The following CNTN4 variants were observed in gnomAD, a reference collection of about 807,000 sequenced individuals.
CNTN4 encodes the protein contactin 4, also known as contactin-4.
In CNTN4, 77 loss-of-function variants were observed where a neutral mutation model predicts 122.5. The ratio of observed to expected loss-of-function variants is 0.63; its 90% CI spans 0.52 to 0.76. CNTN4 has a LOEUF of 0.76. Among genes scored for constraint, CNTN4 ranks in the 30% least tolerant of loss-of-function variants. The pLI, the probability that CNTN4 is intolerant of heterozygous loss-of-function variation, is 0.00. For synonymous variants in CNTN4, 512 were observed against 447.0 expected (o/e 1.15, Z -1.83); for missense variants, 1,256 against 1,259.1 (o/e 1.00, Z 0.04).
intron 7 of CNTN4, among the ~76,000 whole-genome samples, chr3:2,858,321 T>C (rs576964414): frequency 5.3e-5 from 8 of 152,354 alleles, no homozygotes; most frequent in Admixed American, 5.2e-4. Context: ...TTTCCAGTGA[T>C]TGTGATGCTT....
In CNTN4 at chr3:3,038,768, G is replaced by A. The variant is rs7625369; in HGVS notation, c.2093-165G>A. Among the ~76,000 whole-genome samples, 21,074 of 150,630 alleles carry A rather than the reference G, an allele frequency of 0.14. 1,558 individuals are homozygous for A. The highest frequency in any genetic ancestry group is 0.17 in the Non-Finnish European group (11,463 of 67,524). On this transcript the variant is annotated intron_variant, in intron 18 of 24. Coordinates refer to ENST00000418658, the MANE Select transcript of CNTN4 (RefSeq NM_175607.3). ...TCTCCTTGGTACATTTCACTTCCTC[G>A]AGCGGTCGCCGTGGGCCCCTTGACA...
At chr3:2,724,355 C>G (rs904178077) in intron 4 of CNTN4, among the ~76,000 whole-genome samples, 1 of 152,184 alleles carries the variant, frequency 6.6e-6, no homozygotes, top group Non-Finnish European at 1.5e-5. Context: ...ACATTGTGTT[C>G]TCATTCCCAA....
At chr3:2,753,346 C>T (rs996742702) in intron 6 of CNTN4, among the ~76,000 whole-genome samples, 4 of 152,150 alleles carry the variant, frequency 2.6e-5, no homozygotes, top group Non-Finnish European at 2.9e-5. Flanking sequence ...ACTCCTAGAT[C>T]ATTGTTTAGC....
chr3:2,308,845 G>A (rs550749613), intron 2 of CNTN4, among the ~76,000 whole-genome samples: 9 of 152,022 alleles, frequency 5.9e-5, no homozygotes, highest in Admixed American at 4.6e-4. Context: ...TCTCTAAAAT[G>A]TAGGAAAAAT....
chr3:2,396,031 TTTG>T (rs1437783354), intron 3 of CNTN4, among the ~76,000 whole-genome samples: 8 of 151,558 alleles, frequency 5.3e-5, no homozygotes, highest in Non-Finnish European at 1.0e-4. Flanking sequence ...TATGGGGCTG[TTTG>T]TTGTTGTTAT....
At chr3:2,540,191 G>A (rs1451347914) in intron 3 of CNTN4, among the ~76,000 whole-genome samples, 1 of 151,962 alleles carries the variant, frequency 6.6e-6, no homozygotes, top group Non-Finnish European at 1.5e-5. Context: ...ACTAGCCATA[G>A]AATTTATTTG....
chr3:2,155,949 A>G (rs1284003453), intron 2 of CNTN4, among the ~76,000 whole-genome samples: 1 of 152,134 alleles, frequency 6.6e-6, no homozygotes, highest in Non-Finnish European at 1.5e-5. Flanking sequence ...CCATCAAAAT[A>G]TTTAACATAG....
rs574463115 is a variant in CNTN4 at position 2,962,163 on chromosome 3, C to T, written c.1359-26182C>T. 2.8e-4 allele frequency among the ~76,000 whole-genome samples: 42 copies of T among 152,348 alleles called. 1 individual carries two copies. Among genetic ancestry groups the T allele is most frequent in the African/African-American group, 9.4e-4 (39 of 41,580 alleles). Reference sequence around the variant, plus strand: ...GGAAAAACCTAACTTATCTGGATCTCTTCTGCCAAAGACACTCCCAGTAAT... The same window carrying T: ...GGAAAAACCTAACTTATCTGGATCTTTTCTGCCAAAGACACTCCCAGTAAT... On this transcript the variant is annotated intron_variant, in intron 13 of 24. Transcript: ENST00000418658.
intron 6 of CNTN4, among the ~76,000 whole-genome samples, chr3:2,810,575 A>G (rs1458255639): frequency 1.3e-5 from 2 of 152,146 alleles, no homozygotes; most frequent in Non-Finnish European, 2.9e-5. Context: ...TTTTTAAGTC[A>G]TTATCCTTCT....
chr3:2,368,061 G>T (rs1164207281), intron 3 of CNTN4, among the ~76,000 whole-genome samples: 4 of 134,720 alleles, frequency 3.0e-5, no homozygotes. Context: ...GAGGTGGAGT[G>T]TCGCTCTGTC....
At chr3:2,144,745 A>G (rs550055335) in intron 2 of CNTN4, among the ~76,000 whole-genome samples, 2 of 152,336 alleles carry the variant, frequency 1.3e-5, no homozygotes, top group South Asian at 4.1e-4. Flanking sequence ...CAAGTCATCA[A>G]TTAAGTTTAT....
intron 9 of CNTN4, among the ~76,000 whole-genome samples, chr3:2,883,928 A>G (rs2093940172): frequency 6.6e-6 from 1 of 152,198 alleles, no homozygotes; most frequent in South Asian, 2.1e-4. Context: ...AACCAGCAAT[A>G]AAGATTTGGC....
chr3:2,861,705 AGTGT>A (rs147297697), intron 7 of CNTN4, among the ~76,000 whole-genome samples: 1 of 151,874 alleles, frequency 6.6e-6, no homozygotes, highest in East Asian at 1.9e-4. Flanking sequence ...AATAAATAAG[AGTGT>A]GTGTGTGTGC....
intron 6 of CNTN4, among the ~76,000 whole-genome samples, chr3:2,760,689 A>C (rs1475539147): frequency 6.6e-6 from 1 of 152,196 alleles, no homozygotes; most frequent in Non-Finnish European, 1.5e-5. Flanking sequence ...TCTATCCTAC[A>C]TTCCCTGCAA....
intron 9 of CNTN4, among the ~76,000 whole-genome samples, chr3:2,884,531 C>A (rs1329454907): frequency 6.6e-6 from 1 of 151,966 alleles, no homozygotes; most frequent in African/African-American, 2.4e-5. Flanking sequence ...AGTCAAGTTG[C>A]AAAACAACAT....
intron 2 of CNTN4, among the ~76,000 whole-genome samples, chr3:2,179,057 C>T (rs2036890213): frequency 2.0e-5 from 3 of 152,018 alleles, no homozygotes; most frequent in Non-Finnish European, 4.4e-5. Flanking sequence ...CTAATGTGCT[C>T]ATACTCCGAG....
At position 2,172,957 on chromosome 3, in the gene CNTN4, G is replaced by A. The variant is rs562704569; in HGVS notation, c.-145+72318G>A. On this transcript the variant is annotated intron_variant, in intron 2 of 24. Coordinates refer to ENST00000418658, the MANE Select transcript of CNTN4 (RefSeq NM_175607.3). ...AAGATGATTGACGTTTTAAGCCTAT[G>A]TGACAGGTATTATTGGCACTACAGA... Among the ~76,000 whole-genome samples the A allele has an allele frequency of 2.4e-4, 37 of 152,334 alleles. No homozygotes were observed. The Middle Eastern group carries it at 0.01, about 42-fold the overall frequency.
At chr3:2,130,127 T>A (rs57323535) in intron 2 of CNTN4, among the ~76,000 whole-genome samples, 2 of 152,320 alleles carry the variant, frequency 1.3e-5, no homozygotes, top group East Asian at 3.9e-4. Flanking sequence ...CTCATTTGAA[T>A]TATAATTCTT....
intron 7 of CNTN4, among the ~76,000 whole-genome samples, chr3:2,858,897 C>A (rs2093644714): frequency 6.6e-6 from 1 of 152,090 alleles, no homozygotes. Flanking sequence ...CCTCACATAC[C>A]ATTTTTTCTA....
Sources: gnomAD v4.1 joint callset for allele counts (sites outside exome capture counted in the v4.1 genomes callset) on GRCh38, gnomAD v4.1.1 for gene constraint, MANE v1.5 for transcripts, NCBI Gene and HGNC (gene_info 2026-07-23, HGNC 2026-07-21) for gene names.